ITK: variants seen among roughly 807,000 people sequenced by gnomAD.
ITK encodes tyrosine-protein kinase ITK/TSK.
ITK carries 45 observed loss-of-function variants against 87.6 expected under a neutral mutation model. That is an observed-to-expected ratio of 0.51 (90% confidence interval 0.40 to 0.66). The LOEUF (loss-of-function observed/expected upper bound fraction) is 0.66, where lower values mean the gene tolerates loss of function less well. ITK is among the 30% of genes least tolerant of loss of function. The pLI is 0.00. For missense variants in ITK, 605 were observed against 766.3 expected, an observed-to-expected ratio of 0.79 and a Z score of 2.48; for synonymous variants, 303 against 273.6, an observed-to-expected ratio of 1.11 and a Z score of -1.06.
At chr5:157,243,948 C>T in intron 12 of ITK, 154 bp downstream of exon 12, 1 of 766,786 alleles carries the variant, frequency 1.3e-6, no homozygotes, top group South Asian at 1.5e-5. Flanking sequence ...AAACTCTTCA[C>T]AGTGGTCTCC....
chr5:157,222,785 C>T (rs1445568750), intron 5 of ITK, 78 bp from the exon 6 acceptor site: 2 of 1,442,194 alleles, frequency 1.4e-6, no homozygotes, highest in Non-Finnish European at 1.9e-6. Context: ...AGACTGTCTC[C>T]CCAGACACCC....
chr5:157,228,222 T>C lies in ITK; in HGVS notation c.648-74T>C, dbSNP rs1754576439. 6 of 913,150 alleles carry C rather than the reference T, an allele frequency of 6.6e-6. No individual in the cohort carries two copies. The South Asian group carries it at 6.8e-5, about 10-fold the overall frequency. The allele number at this position is 913,150 out of a possible 1,614,324, so 56.6% of individuals were successfully genotyped here. On this transcript the variant is annotated intron_variant, in intron 6 of 16. Coordinates refer to ENST00000422843, the MANE Select transcript of ITK (RefSeq NM_005546.4). Reference sequence around the variant, plus strand: ...TATTCCCCAATCTTTAAATGACTTTTAATGGATTAAACCTATAAAATGATA... The same window carrying C: ...TATTCCCCAATCTTTAAATGACTTTCAATGGATTAAACCTATAAAATGATA...
chr5:157,214,835 TC>T (rs1754267257), intron 4 of ITK, among the ~76,000 whole-genome samples: 1 of 152,222 alleles, frequency 6.6e-6, no homozygotes, highest in Non-Finnish European at 1.5e-5. Flanking sequence ...GAATTTTTTT[TC>T]TTTTACATTT....
At chr5:157,241,762 G>T in intron 11 of ITK, 42 bp downstream of exon 11, 1 of 1,474,674 alleles carries the variant, frequency 6.8e-7, no homozygotes, top group Non-Finnish European at 9.5e-7. Context: ...GTCCCTAAAG[G>T]TCTGGGGCAA....
intron 1 of ITK, among the ~76,000 whole-genome samples, chr5:157,197,236 C>T (rs530172615): frequency 6.6e-6 from 1 of 152,226 alleles, no homozygotes; most frequent in South Asian, 2.1e-4. Flanking sequence ...GTACTTGAAC[C>T]CCCATGGATA....
rs112794752 is a variant in ITK, at chr5:157,249,098, G to A, written c.1791+91G>A. 742 of 1,084,844 alleles carry A rather than the reference G, an allele frequency of 6.8e-4. 2 individuals carry two copies. The African/African-American group carries it at 0.01, about 15-fold the overall frequency. 67.2% of individuals were successfully genotyped at this position (1,084,844 alleles called of 1,614,324 possible). A position where few individuals can be genotyped will look rare whatever the true frequency, so the allele number is the denominator to read the frequency against. ...GAGAAAGGAACCCTCTCAGAAGGAT[G>A]AGGCAGGAGGGATAACTAATATAGA... On this transcript the variant is annotated intron_variant, in intron 16 of 16. Transcript: ENST00000422843.
intron 1 of ITK, among the ~76,000 whole-genome samples, chr5:157,201,847 A>T (rs1234924145): frequency 2.0e-5 from 3 of 152,152 alleles, no homozygotes; most frequent in Non-Finnish European, 4.4e-5. Context: ...TAATTTTTTT[A>T]ACTTTTATTT....
At chr5:157,192,561 G>A (rs1753773784) in intron 1 of ITK, among the ~76,000 whole-genome samples, 4 of 152,164 alleles carry the variant, frequency 2.6e-5, no homozygotes, top group Admixed American at 2.0e-4. Flanking sequence ...ACTCTCTCTG[G>A]GATTTAGCTT....
At chr5:157,241,531 G>A (rs1273341757) in intron 10 of ITK, 115 bp from the exon 11 acceptor site, 10 of 759,964 alleles carry the variant, frequency 1.3e-5, no homozygotes, top group Non-Finnish European at 2.1e-5. Flanking sequence ...TTGTTTTCCA[G>A]AATAAAATTA....
chr5:157,239,915 G>A (rs1754853894), intron 9 of ITK, 147 bp from the exon 10 acceptor site: 1 of 829,908 alleles, frequency 1.2e-6, no homozygotes. Context: ...GGCCCAATCT[G>A]TCAAGACAGA....
At chr5:157,192,257 A>G (rs1472174363) in intron 1 of ITK, among the ~76,000 whole-genome samples, 1 of 152,214 alleles carries the variant, frequency 6.6e-6, no homozygotes, top group Non-Finnish European at 1.5e-5. Flanking sequence ...CTACTCTGCA[A>G]AACCTGAATG....
At chr5:157,243,037 G>A (rs6876898) in intron 11 of ITK, among the ~76,000 whole-genome samples, 48,323 of 152,014 alleles carry the variant, frequency 0.32, 8,807 homozygotes, top group East Asian at 0.79. Flanking sequence ...TGATGTGTCC[G>A]TGCTGGATGG....
At chr5:157,222,035 CA>C (rs1485034786) in intron 5 of ITK, among the ~76,000 whole-genome samples, 2 of 152,050 alleles carry the variant, frequency 1.3e-5, no homozygotes, top group Non-Finnish European at 2.9e-5. Context: ...CATACTACAT[CA>C]AAATGACGAG....
chr5:157,239,361 A>G (rs1754840744), intron 9 of ITK, among the ~76,000 whole-genome samples: 1 of 152,194 alleles, frequency 6.6e-6, no homozygotes, highest in Non-Finnish European at 1.5e-5. Context: ...CGCCAGCAAC[A>G]AGTTGTAACC....
At chr5:157,238,816 A>G (rs562177101) in intron 9 of ITK, among the ~76,000 whole-genome samples, 2 of 152,208 alleles carry the variant, frequency 1.3e-5, no homozygotes, top group Non-Finnish European at 2.9e-5. Flanking sequence ...CTGTAAAACA[A>G]TGCCTAAGAA....
At chr5:157,201,647 G>A (rs555304838) in intron 1 of ITK, among the ~76,000 whole-genome samples, 1 of 145,260 alleles carries the variant, frequency 6.9e-6, no homozygotes, top group African/African-American at 2.6e-5. Flanking sequence ...GTACTAGCCA[G>A]ATAAATTACA....
chr5:157,209,430 G>A (rs1424597323), intron 2 of ITK, among the ~76,000 whole-genome samples: 1 of 151,884 alleles, frequency 6.6e-6, no homozygotes, highest in Non-Finnish European at 1.5e-5. Context: ...AATCCCATTA[G>A]GAAACGTATG....
intron 1 of ITK, among the ~76,000 whole-genome samples, chr5:157,188,800 T>C (rs58652057): frequency 0.019 from 2,823 of 152,246 alleles, 84 homozygotes; most frequent in African/African-American, 0.065. Flanking sequence ...TTATTTCCCA[T>C]CTCTTCAAAG....
rs540044070 is a variant in ITK at position 157,217,671 on chromosome 5, A to T, written c.455-196A>T. ...CTAGAAAAGGGAATCAGAAACCAGC[A>T]GGCCCAAGGAGATAAAAGACAGCTT... On this transcript the variant is annotated intron_variant, in intron 4 of 16. Transcript: ENST00000422843. Among the ~76,000 whole-genome samples the T allele has an allele frequency of 3.9e-5, 6 of 152,346 alleles. No homozygotes were observed. In the East Asian group the frequency reaches 9.7e-4, roughly 25 times the overall value.
Sources: gnomAD v4.1 joint callset for allele counts (sites outside exome capture counted in the v4.1 genomes callset) on GRCh38, gnomAD v4.1.1 for gene constraint, MANE v1.5 for transcripts, NCBI Gene and HGNC (gene_info 2026-07-23, HGNC 2026-07-21) for gene names.